Variants in ASB4 observed in about 807,000 individuals in gnomAD.
The protein encoded by ASB4 is ankyrin repeat and SOCS box protein 4.
In ASB4, 35 loss-of-function variants were observed where a neutral mutation model predicts 38.6. The ratio of observed to expected loss-of-function variants is 0.91; its 90% CI spans 0.69 to 1.20. The LOEUF (loss-of-function observed/expected upper bound fraction) is 1.20. Ranked by LOEUF, ASB4 falls within the 50% of genes most tolerant of loss-of-function variation. ASB4 has a pLI of 0.00. For missense variants in ASB4, 557 were observed against 527.2 expected, an observed-to-expected ratio of 1.06 and a Z score of -0.55; for synonymous variants, 195 against 201.3, an observed-to-expected ratio of 0.97 and a Z score of 0.26.
intron 2 of ASB4, among the ~76,000 whole-genome samples, chr7:95,525,246 A>T (rs1398536948): frequency 6.6e-6 from 1 of 152,166 alleles, no homozygotes; most frequent in African/African-American, 2.4e-5. Flanking sequence ...CAGTCTCCAG[A>T]GGTGTGGGAG....
chr7:95,529,513 C>A (rs1378382758), intron 3 of ASB4, among the ~76,000 whole-genome samples: 4 of 152,186 alleles, frequency 2.6e-5, no homozygotes, highest in African/African-American at 9.7e-5. Flanking sequence ...TCAGTCAGGG[C>A]AGATTCCAGA....
chr7:95,510,010 G>A (rs1338160432), intron 2 of ASB4, among the ~76,000 whole-genome samples: 4 of 151,968 alleles, frequency 2.6e-5, no homozygotes, highest in East Asian at 1.9e-4. Flanking sequence ...TAAAAAATTA[G>A]GAGAAAAGAC....
intron 2 of ASB4, among the ~76,000 whole-genome samples, chr7:95,508,086 A>G (rs1234559339): frequency 2.0e-5 from 3 of 152,154 alleles, no homozygotes; most frequent in African/African-American, 4.8e-5. Flanking sequence ...TTTAGATGAT[A>G]GAAACCTGAG....
At chr7:95,489,528 A>G (rs1185802683) in intron 1 of ASB4, among the ~76,000 whole-genome samples, 1 of 152,230 alleles carries the variant, frequency 6.6e-6, no homozygotes. Context: ...AGATGAAATC[A>G]TGTTTTATTA....
chr7:95,546,351 C>T, the ASB4 span, among the ~76,000 whole-genome samples: 188 of 152,266 alleles, frequency 1.2e-3, no homozygotes, highest in Non-Finnish European at 2.0e-3. Flanking sequence ...ACATGGGCCG[C>T]ATCTAAATAA....
chr7:95,484,519 C>T (rs913062875), upstream of ASB4, among the ~76,000 whole-genome samples: 1 of 152,104 alleles, frequency 6.6e-6, no homozygotes, highest in Non-Finnish European at 1.5e-5. Flanking sequence ...AGCTGTATAC[C>T]TGTAACTTGC....
chr7:95,490,580 A>G (rs1216565534), intron 1 of ASB4, among the ~76,000 whole-genome samples: 1 of 152,240 alleles, frequency 6.6e-6, no homozygotes, highest in Non-Finnish European at 1.5e-5. Context: ...GAGGCTTCTC[A>G]TGTGTGGGGT....
At chr7:95,521,278 A>G (rs1790658888) in intron 2 of ASB4, among the ~76,000 whole-genome samples, 1 of 152,152 alleles carries the variant, frequency 6.6e-6, no homozygotes, top group South Asian at 2.1e-4. Flanking sequence ...CCAATGAAAA[A>G]TGGGCAGAAG....
chr7:95,481,371 C>T (rs975938991), upstream of ASB4, among the ~76,000 whole-genome samples: 2 of 150,702 alleles, frequency 1.3e-5, no homozygotes, highest in Non-Finnish European at 2.9e-5. Flanking sequence ...GAAAAAAAAA[C>T]AACAAGATGA....
intron 1 of ASB4, among the ~76,000 whole-genome samples, chr7:95,493,361 AGT>A (rs199528876): frequency 0.057 from 6,852 of 120,616 alleles, 189 homozygotes; most frequent in Middle Eastern, 0.098. Flanking sequence ...AAGAGATGAA[AGT>A]GTGTGTGTGT....
intron 2 of ASB4, among the ~76,000 whole-genome samples, chr7:95,518,922 A>G (rs74441317): frequency 0.035 from 5,257 of 152,288 alleles, 112 homozygotes; most frequent in Middle Eastern, 0.075. Context: ...GGGAGTTAGT[A>G]AGATTATAGA....
At chr7:95,506,686 CT>C (rs76270182) in intron 2 of ASB4, among the ~76,000 whole-genome samples, 51,342 of 119,860 alleles carry the variant, frequency 0.43, 9,640 homozygotes, top group African/African-American at 0.52. Flanking sequence ...AATTTAGATT[CT>C]TTTTTTTTTT....
At chr7:95,477,613 A>G (rs1209928527), upstream of ASB4, among the ~76,000 whole-genome samples, 2 of 152,196 alleles carry the variant, frequency 1.3e-5, no homozygotes, top group African/African-American at 4.8e-5. Context: ...ATGAAGCTTG[A>G]CATTAGGTTG....
At chr7:95,515,291 T>C (rs1790559569) in intron 2 of ASB4, among the ~76,000 whole-genome samples, 1 of 123,784 alleles carries the variant, frequency 8.1e-6, no homozygotes, top group Non-Finnish European at 1.7e-5. Context: ...CTTTCTTTCT[T>C]TCTTTCTTTC....
intron 2 of ASB4, among the ~76,000 whole-genome samples, chr7:95,527,015 CA>C (rs1378923439): frequency 6.6e-6 from 1 of 152,156 alleles, no homozygotes; most frequent in Non-Finnish European, 1.5e-5. Flanking sequence ...TTTCCAAGTA[CA>C]AAAAATTCCT....
the ASB4 span, among the ~76,000 whole-genome samples, chr7:95,550,865 A>AT: frequency 6.6e-6 from 1 of 152,166 alleles, no homozygotes; most frequent in Non-Finnish European, 1.5e-5. Context: ...CATGTACAGG[A>AT]TGTCTTTCCA....
At chr7:95,511,277 C>A (rs187225950) in intron 2 of ASB4, among the ~76,000 whole-genome samples, 51 of 152,130 alleles carry the variant, frequency 3.4e-4, no homozygotes, top group Non-Finnish European at 6.3e-4. Context: ...AAGAAGTGAA[C>A]GCTGCAGGGA....
chr7:95,550,796 G>T, the ASB4 span, among the ~76,000 whole-genome samples: 4 of 152,238 alleles, frequency 2.6e-5, no homozygotes, highest in Non-Finnish European at 4.4e-5. Flanking sequence ...GGACGGCAAA[G>T]GTTACTTGAA....
At chr7:95,497,094 G>A (rs1215217400) in intron 2 of ASB4, among the ~76,000 whole-genome samples, 1 of 152,108 alleles carries the variant, frequency 6.6e-6, no homozygotes, top group African/African-American at 2.4e-5. Flanking sequence ...GACATTGGAT[G>A]TGTTAGATCC....
Sources: gnomAD v4.1 joint callset for allele counts (sites outside exome capture counted in the v4.1 genomes callset) on GRCh38, gnomAD v4.1.1 for gene constraint, MANE v1.5 for transcripts, NCBI Gene and HGNC (gene_info 2026-07-23, HGNC 2026-07-21) for gene names.